The following BCOR variants were observed in gnomAD, a reference collection of about 807,000 sequenced individuals.
The protein encoded by BCOR is BCL6 corepressor, also known as BCL-6 corepressor.
Under a neutral mutation model 86.7 loss-of-function variants are expected in BCOR, and 10 were observed. The ratio of observed to expected loss-of-function variants is 0.12; its 90% CI spans 0.07 to 0.20. The LOEUF is 0.20. Among genes scored for constraint, BCOR ranks in the 10% least tolerant of loss-of-function variants. The pLI, the probability that BCOR is intolerant of heterozygous loss-of-function variation, is 1.00. For synonymous variants in BCOR, 611 were observed against 609.0 expected (o/e 1.00, Z -0.05); for missense variants, 1,259 against 1,452.1 (o/e 0.87, Z 2.16).
At chrX:40,106,399 CGGGCCCGG>C (rs1937185890) in intron 1 of BCOR, among the ~76,000 whole-genome samples, 1 of 112,079 alleles carries the variant, frequency 8.9e-6, no homozygotes, top group Non-Finnish European at 1.9e-5. Context: ...GGCGGCCCCG[CGGGCCCGG>C]AGTCCCCGCC....
chrX:40,173,232 A>T (rs201705556), intron 1 of BCOR, among the ~76,000 whole-genome samples: 2 of 111,730 alleles, frequency 1.8e-5, no homozygotes, highest in African/African-American at 6.5e-5. Context: ...TGGTCAATCC[A>T]GGCCCTATTA....
At chrX:40,159,605 C>G (rs1277335390) in intron 1 of BCOR, among the ~76,000 whole-genome samples, 1 of 112,514 alleles carries the variant, frequency 8.9e-6, no homozygotes, top group South Asian at 3.6e-4. Flanking sequence ...CCGCCTCGGC[C>G]TCCCAAATTG....
rs1010268536 is a variant in BCOR, at chrX:40,082,402, T to C, written c.-40-4433A>G. ...CGCCTCCCTGCTGTCCACACAGGCA[T>C]TGAGGGTGGCCCATCTCGGGGTCTT... On this transcript the variant is annotated intron_variant, in intron 1 of 14. Transcript: ENST00000378444. Among the ~76,000 whole-genome samples, 10 of 111,887 alleles carry C rather than the reference T, an allele frequency of 8.9e-5. No individual in the cohort carries two copies. The South Asian group carries it at 1.1e-3, about 13-fold the overall frequency.
chrX:40,071,014 G>A lies in BCOR; in HGVS notation c.3197C>T (p.Thr1066Ile). Residue 1066 changes from threonine (T) to isoleucine (I), a missense_variant, in exon 6 of 15, where the codon ACC (threonine) becomes ATC (isoleucine). By Grantham distance (89) the Thr-to-Ile change is moderately conservative. Transcript: ENST00000378444. ...GNQDKKPKSV[T>I]LEEAIAEQNE... is the part of the protein sequence containing the mutation. ...CTGTTCTGCAATGGCCTCCTCCAGG[G>A]TGACCGACTTTGGCTTTTTGTCCTG... 2.5e-6 allele frequency: 3 copies of A among 1,211,447 alleles called. No homozygotes were observed. The highest frequency in any genetic ancestry group is 3.4e-6 in the Non-Finnish European group (3 of 895,468).
chrX:40,121,540 G>A (rs1291054378), intron 1 of BCOR, among the ~76,000 whole-genome samples: 1 of 113,128 alleles, frequency 8.8e-6, no homozygotes, highest in East Asian at 2.8e-4. Context: ...TGTCCTGGGT[G>A]CCAGGGCACC....
chrX:40,164,025 G>GA (rs377618853), intron 1 of BCOR, among the ~76,000 whole-genome samples: 2,235 of 66,813 alleles, frequency 0.033, 66 homozygotes, highest in African/African-American at 0.1. Flanking sequence ...CTCCATCTCA[G>GA]AAAAAAAAAA....
rs756211084 is a variant in BCOR at position 40,089,703 on chromosome X, T to G, written c.-41+7512A>C. 1.3e-4 allele frequency among the ~76,000 whole-genome samples: 15 copies of G among 111,671 alleles called. No homozygotes were observed. In the East Asian group the frequency reaches 4.2e-3, roughly 31 times the overall value. The stretch of plus-strand genomic sequence containing the variant: ...GGTGGGTCGACTCCTTTCAGGTCTC[T>G]GGGAAAAGTGCTGACTACTGGTACT... On this transcript the variant is annotated intron_variant, in intron 1 of 14. Coordinates refer to ENST00000378444, the MANE Select transcript of BCOR (RefSeq NM_001123385.2).
chrX:40,176,164 A>T (rs1938746260), intron 1 of BCOR, among the ~76,000 whole-genome samples: 1 of 112,663 alleles, frequency 8.9e-6, no homozygotes, highest in African/African-American at 3.2e-5. Flanking sequence ...GGTGGGGCCG[A>T]TGGTTTGTCT....
rs60436417 is a variant in BCOR, at chrX:40,084,513, T to C, written c.-40-6544A>G. On this transcript the variant is annotated intron_variant, in intron 1 of 14. Transcript: ENST00000378444. Reference sequence around the variant, plus strand: ...AGGAATCCCTCCTTACTATCTTCCCTCCACGCAAAAAGAAACCACTTGCCC... The same window carrying C: ...AGGAATCCCTCCTTACTATCTTCCCCCCACGCAAAAAGAAACCACTTGCCC... 6.6e-3 allele frequency among the ~76,000 whole-genome samples: 739 copies of C among 111,602 alleles called. 5 individuals carry two copies. Among genetic ancestry groups the C allele is most frequent in the African/African-American group, 0.023 (713 of 30,684 alleles).
rs753791832 is a variant in BCOR at position 40,077,836 on chromosome X, G to A, written c.86+8C>T. On this transcript the variant is annotated splice_region_variant and intron_variant, in intron 2 of 14. Coordinates refer to ENST00000378444, the MANE Select transcript of BCOR (RefSeq NM_001123385.2). ...CCACTCAGGCCCGGCCCAGATGGGC[G>A]CATTCACCTGTCTTCGCTCGCCCCA... 3 of 1,206,682 alleles carry A rather than the reference G, an allele frequency of 2.5e-6. No homozygotes were observed. Among genetic ancestry groups the A allele is most frequent in the African/African-American group, 3.5e-5 (2 of 57,345 alleles).
At chrX:40,109,230 G>A (rs1451187012) in intron 1 of BCOR, among the ~76,000 whole-genome samples, 3 of 112,178 alleles carry the variant, frequency 2.7e-5, no homozygotes, top group Non-Finnish European at 5.7e-5. Context: ...CGTCGGCCCC[G>A]CTCAGCCGGG....
intron 1 of BCOR, among the ~76,000 whole-genome samples, chrX:40,114,885 C>G (rs1335202275): frequency 1.1e-5 from 1 of 91,622 alleles, no homozygotes; most frequent in Non-Finnish European, 2.1e-5. Context: ...TGGAGTCTCA[C>G]TGTGTCGCCC....
chrX:40,152,559 G>A (rs1049826416), intron 1 of BCOR, among the ~76,000 whole-genome samples: 1 of 112,957 alleles, frequency 8.9e-6, no homozygotes, highest in Non-Finnish European at 1.9e-5. Context: ...CGCCCTCCCC[G>A]CCCGGGCTGG....
intron 1 of BCOR, among the ~76,000 whole-genome samples, chrX:40,139,550 G>A (rs1937869449): frequency 1.2e-5 from 1 of 81,829 alleles, no homozygotes. Context: ...AGTGGCTGAC[G>A]CCTATAATCC....
intron 1 of BCOR, among the ~76,000 whole-genome samples, chrX:40,124,936 C>T (rs1309813845): frequency 9.2e-6 from 1 of 108,475 alleles, no homozygotes; most frequent in African/African-American, 3.4e-5. Flanking sequence ...TAAGACATAC[C>T]CTTAAGGGAG....
chrX:40,080,589 G>T (rs1353378954), intron 1 of BCOR, among the ~76,000 whole-genome samples: 1 of 111,618 alleles, frequency 9.0e-6, no homozygotes, highest in Non-Finnish European at 1.9e-5. Context: ...CCTTCAAAGA[G>T]CCTTTCTTCA....
intron 1 of BCOR, among the ~76,000 whole-genome samples, chrX:40,122,749 G>A (rs1421787726): frequency 2.7e-5 from 3 of 111,119 alleles, no homozygotes; most frequent in Non-Finnish European, 3.8e-5. Flanking sequence ...CACCCATCCC[G>A]AAAATTTAAA....
chrX:40,141,288 T>C (rs977366220), intron 1 of BCOR, among the ~76,000 whole-genome samples: 2 of 113,039 alleles, frequency 1.8e-5, no homozygotes, highest in African/African-American at 6.4e-5. Context: ...CTCTGGAAGC[T>C]GAACTGCTCC....
In BCOR at chrX:40,084,713, A is replaced by T. The variant is rs60278069; in HGVS notation, c.-40-6744T>A. On this transcript the variant is annotated intron_variant, in intron 1 of 14. Transcript: ENST00000378444. ...AACGCCGTCGCCGCCACCCCCCCCCACCACCACCACCACCGAAGGGAACAA... is the reference window on the plus strand; with the variant it reads ...AACGCCGTCGCCGCCACCCCCCCCCTCCACCACCACCACCGAAGGGAACAA... 1.4e-4 allele frequency among the ~76,000 whole-genome samples: 5 copies of T among 34,948 alleles called. No homozygotes were observed. The East Asian group carries it at 2.8e-3, about 19-fold the overall frequency. 30.3% of individuals were successfully genotyped at this position (34,948 alleles called of 115,157 possible). A position where few individuals can be genotyped will look rare whatever the true frequency, so the allele number is the denominator to read the frequency against.
Sources: gnomAD v4.1 joint callset for allele counts (sites outside exome capture counted in the v4.1 genomes callset) on GRCh38, gnomAD v4.1.1 for gene constraint, MANE v1.5 for transcripts, NCBI Gene and HGNC (gene_info 2026-07-23, HGNC 2026-07-21) for gene names.